CCT8: variants seen among roughly 807,000 people sequenced by gnomAD.
The protein encoded by CCT8 is chaperonin containing TCP1 subunit 8.
In CCT8, 10 loss-of-function variants were observed where a neutral mutation model predicts 65.7. That is an observed-to-expected ratio of 0.15 (90% CI 0.09 to 0.26). CCT8 has a LOEUF of 0.26. Among genes scored for constraint, CCT8 ranks in the 10% least tolerant of loss-of-function variants. The pLI is 1.00. For missense variants in CCT8, 568 were observed against 669.1 expected (o/e 0.85, Z 1.67); for synonymous variants, 199 against 221.8 (o/e 0.90, Z 0.92).
In CCT8 at chr21:29,062,129, C is replaced by G; in HGVS notation, c.1211G>C (p.Arg404Thr). ...DGVNTFKVLT[R>T]DKRLVPGGGA... ...ACTAAGAATATTGCTGATACTGACC[C>G]TTGTAAGAACTTTGAAAGTATTAAC... Residue 404 changes from arginine to threonine, a missense_variant and splice_region_variant, in exon 11 of 15, where the codon AGG becomes ACG. Arg to Thr is a moderately conservative substitution (Grantham distance 71). Transcript: ENST00000286788. The G allele has an allele frequency of 1.3e-6, 2 of 1,590,882 alleles. No individual in the cohort carries two copies. The highest frequency in any genetic ancestry group is 1.3e-5 in the African/African-American group (1 of 74,558).
At chr21:29,063,660 G>C in intron 7 of CCT8, 130 bp from the exon 8 acceptor site, 3 of 785,312 alleles carry the variant, frequency 3.8e-6, no homozygotes, top group Non-Finnish European at 6.1e-6. Context: ...CATATATTAT[G>C]AAGCAGCAGA....
At chr21:29,057,693 TAC>T (rs1263198826) in intron 14 of CCT8, among the ~76,000 whole-genome samples, 3 of 79,738 alleles carry the variant, frequency 3.8e-5, no homozygotes, top group East Asian at 2.7e-4. Flanking sequence ...ACATATATCA[TAC>T]ATATATCATA....
intron 3 of CCT8, among the ~76,000 whole-genome samples, chr21:29,068,228 T>C (rs2085644845): frequency 6.6e-6 from 1 of 152,160 alleles, no homozygotes; most frequent in Non-Finnish European, 1.5e-5. Flanking sequence ...TAATTTTAGA[T>C]ACCTTTACAG....
At chr21:29,068,434 C>CT (rs1216900112) in intron 3 of CCT8, among the ~76,000 whole-genome samples, 3 of 151,920 alleles carry the variant, frequency 2.0e-5, no homozygotes, top group African/African-American at 7.3e-5. Context: ...AACTTAAGTT[C>CT]TTTAAGAATT....
At position 29,056,408 on chromosome 21, in the gene CCT8, A is replaced by G. The variant is rs1418423005; in HGVS notation, c.*67T>C. 1 of 786,160 alleles carries G rather than the reference A, an allele frequency of 1.3e-6. No homozygotes were observed. The highest frequency in any genetic ancestry group is 3.0e-5 in the South Asian group (1 of 33,554). The allele number at this position is 786,160 out of a possible 1,614,324, so 48.7% of individuals were successfully genotyped here. A position where few individuals can be genotyped will look rare whatever the true frequency, so the allele number is the denominator to read the frequency against. ...ACTCTTAATTTAAGGAGAATAAGAA[A>G]ACATCAGGTGATTCTTGAGTACTAC... On this transcript the variant is annotated 3_prime_UTR_variant, in exon 15 of 15. Transcript: ENST00000286788.
intron 13 of CCT8, 109 bp from the exon 14 acceptor site, chr21:29,060,769 G>T: frequency 8.6e-7 from 1 of 1,165,172 alleles, no homozygotes; most frequent in Non-Finnish European, 1.2e-6. Context: ...AAGTAACCAA[G>T]CACAGTCCTA....
intron 11 of CCT8, among the ~76,000 whole-genome samples, 191 bp from the exon 12 acceptor site, chr21:29,061,758 G>C (rs1373355378): frequency 3.3e-5 from 5 of 152,216 alleles, no homozygotes; most frequent in Non-Finnish European, 5.9e-5. Context: ...TTAGTGCACA[G>C]TGTCTGGTGT....
intron 6 of CCT8, 46 bp from the exon 7 acceptor site, chr21:29,065,151 C>T: frequency 6.3e-7 from 1 of 1,591,372 alleles, no homozygotes; most frequent in South Asian, 1.1e-5. Context: ...CTGAAAATAA[C>T]ATTACGGTCA....
chr21:29,071,641 C>T (rs1398053621), intron 1 of CCT8, among the ~76,000 whole-genome samples: 1 of 152,102 alleles, frequency 6.6e-6, no homozygotes, highest in Non-Finnish European at 1.5e-5. Flanking sequence ...CTGACCTCGG[C>T]CTCCCCAGTG....
At chr21:29,073,470 GC>G in intron 1 of CCT8, 60 bp downstream of exon 1, 2 of 1,611,694 alleles carry the variant, frequency 1.2e-6, no homozygotes, top group Non-Finnish European at 1.7e-6. Context: ...CTCCTACTTC[GC>G]CGCGGCCGCC....
chr21:29,056,697 G>A (rs1165329926), intron 14 of CCT8, 145 bp from the exon 15 acceptor site: 10 of 421,860 alleles, frequency 2.4e-5, no homozygotes, highest in Non-Finnish European at 3.7e-5. Context: ...CACAGAGTTT[G>A]CTAGCTCCCT....
chr21:29,072,518 A>G (rs1218401612), intron 1 of CCT8, among the ~76,000 whole-genome samples: 2 of 152,202 alleles, frequency 1.3e-5, no homozygotes, highest in Non-Finnish European at 2.9e-5. Context: ...GAATCAGCCC[A>G]TATCATTTTC....
chr21:29,066,908 A>G lies in CCT8; in HGVS notation c.545T>C (p.Leu182Pro), dbSNP rs575611934. The G allele has an allele frequency of 2.7e-5, 43 of 1,606,994 alleles. No homozygotes were observed. The Middle Eastern group carries it at 1.0e-3, about 37-fold the overall frequency. The change falls in exon 5 of 15, where the codon CTT (leucine) becomes CCT (proline). Residue 182 changes from leucine to proline, a missense_variant. Coordinates refer to ENST00000286788, the MANE Select transcript of CCT8 (RefSeq NM_006585.4). ...QYGNEVFLAK[L>P]IAQACVSIFP... is the part of the protein sequence containing the mutation. ...TTACTTACCGCATGCCTGAGCAATA[A>G]GCTTGGCCAGAAATACTTCATTACC...
chr21:29,068,649 G>A (rs1393759057), intron 3 of CCT8, among the ~76,000 whole-genome samples: 1 of 152,092 alleles, frequency 6.6e-6, no homozygotes, highest in Non-Finnish European at 1.5e-5. Flanking sequence ...ATTTTTAGTA[G>A]AGATGGGGTT....
At chr21:29,063,766 C>T (rs1170437361) in intron 7 of CCT8, among the ~76,000 whole-genome samples, 1 of 152,188 alleles carries the variant, frequency 6.6e-6, no homozygotes, top group South Asian at 2.1e-4. Flanking sequence ...TGGAAAAGTA[C>T]TTTTATCTAT....
In CCT8 at chr21:29,070,395, T is replaced by C. The variant is rs1046117972; in HGVS notation, c.61-58A>G. 12 of 1,037,650 alleles carry C rather than the reference T, an allele frequency of 1.2e-5. No individual in the cohort carries two copies. The African/African-American group carries it at 1.8e-4, about 15-fold the overall frequency. 64.3% of individuals were successfully genotyped at this position (1,037,650 alleles called of 1,614,324 possible). ...ATTAGACAGGACAGTGAAACAAAAA[T>C]TTCAAATACAAGATATCTTTGCTTA... is the stretch of plus-strand genomic sequence containing the variant. On this transcript the variant is annotated intron_variant, in intron 1 of 14. Transcript: ENST00000286788.
intron 1 of CCT8, among the ~76,000 whole-genome samples, chr21:29,071,059 T>G (rs887454783): frequency 1.3e-5 from 2 of 152,246 alleles, no homozygotes; most frequent in Non-Finnish European, 2.9e-5. Flanking sequence ...TGAGGTTTAC[T>G]TGGGTCCTCA....
At position 29,073,581 on chromosome 21, in the gene CCT8, G is replaced by T. The variant is rs758002639; in HGVS notation, c.10C>A (p.His4Asn). Residue 4 changes from histidine (H) to asparagine (N), a missense_variant, in exon 1 of 15, where the codon CAC becomes AAC. Physicochemically the swap from His to Asn is moderately conservative, Grantham distance 68. Transcript: ENST00000286788. ...GCAAAGCCCGGAGCCTTGGGAACGT[G>T]AAGCGCCATGGCCAGCCTGCAGGAA... The part of the protein sequence containing the change: MAL[H>N]VPKAPGFAQM... 1.5e-5 allele frequency: 25 copies of T among 1,614,004 alleles called. No homozygotes were observed. Among genetic ancestry groups the T allele is most frequent in the Admixed American group, 3.3e-5 (2 of 60,012 alleles).
intron 8 of CCT8, among the ~76,000 whole-genome samples, chr21:29,063,040 T>C (rs1044521593): frequency 6.6e-6 from 1 of 152,202 alleles, no homozygotes; most frequent in African/African-American, 2.4e-5. Context: ...TTAAAAGGGA[T>C]CTTCCTGACT....
Sources: allele counts gnomAD v4.1 joint callset (sites outside exome capture counted in the v4.1 genomes callset), GRCh38; gene constraint gnomAD v4.1.1; transcripts MANE v1.5; gene names NCBI Gene and HGNC (gene_info 2026-07-23, HGNC 2026-07-21).